The following RHBDF2 variants were observed in gnomAD, a reference collection of about 807,000 sequenced individuals.
The protein encoded by RHBDF2 is inactive rhomboid protein 2.
RHBDF2 carries 38 observed loss-of-function variants against 95.2 expected under a neutral mutation model. That is an observed-to-expected ratio of 0.40 (90% CI 0.31 to 0.52). The LOEUF is 0.52. Among genes scored for constraint, RHBDF2 ranks in the 20% least tolerant of loss-of-function variants. The pLI, the probability that RHBDF2 is intolerant of heterozygous loss-of-function variation, is 0.56. For missense variants in RHBDF2, 863 were observed against 1,137.7 expected, an observed-to-expected ratio of 0.76 and a Z score of 3.47; for synonymous variants, 442 against 462.0, an observed-to-expected ratio of 0.96 and a Z score of 0.55.
chr17:76,475,291 CG>C, intron 9 of RHBDF2, 150 bp from the exon 10 acceptor site: 2 of 604,332 alleles, frequency 3.3e-6, no homozygotes, highest in Middle Eastern at 3.4e-4. Context: ...ACTTTTAAGA[CG>C]AGCCTCCAAG....
Position 76,471,706 on chromosome 17 carries a change from ATCCAGGGCCAG to A in RHBDF2, c.2400_2410del (p.Trp801ArgfsTer17). 6.2e-7 allele frequency: 1 copy of A among 1,610,946 alleles called. No homozygotes were observed. Among genetic ancestry groups the A allele is most frequent in the Non-Finnish European group, 8.5e-7 (1 of 1,178,794 alleles). ...GAAGGGGAAGCAGGTGAGGTGCTCG[ATCCAGGGCCAG>A]TTAATGGGGTAGATGTACAGCCACA... is the stretch of plus-strand genomic sequence containing the variant. On this transcript the variant is annotated frameshift_variant, in exon 19 of 19. Transcript: ENST00000675367. LOFTEE classifies it high-confidence loss of function.
chr17:76,477,121 C>G (rs2073797619), intron 8 of RHBDF2, 59 bp downstream of exon 8: 3 of 1,610,386 alleles, frequency 1.9e-6, no homozygotes, highest in Non-Finnish European at 2.5e-6. Context: ...AGGGTGAGGT[C>G]TGGGGATGCC....
chr17:76,475,256 C>T (rs372038219), intron 9 of RHBDF2, 115 bp from the exon 10 acceptor site: 27 of 680,862 alleles, frequency 4.0e-5, no homozygotes, highest in East Asian at 1.1e-4. Flanking sequence ...TGTTCTGCCC[C>T]GTCAACTCAT....
rs370105807 is a variant in RHBDF2 at position 76,473,366 on chromosome 17, C to T, written c.1734-39G>A. ...GAGGCAAGAGGGGACATCAGGGCGC[C>T]GAATAACCACTGCCCACCTTTGCCC... is the stretch of plus-strand genomic sequence containing the variant. On this transcript the variant is annotated intron_variant, in intron 15 of 18. Coordinates refer to ENST00000675367, the MANE Select transcript of RHBDF2 (RefSeq NM_001005498.4). 2.3e-5 allele frequency: 35 copies of T among 1,550,650 alleles called. No individual in the cohort carries two copies. The African/African-American group carries it at 2.3e-4, about 10-fold the overall frequency.
chr17:76,491,795 G>A (rs2074309015), intron 1 of RHBDF2, among the ~76,000 whole-genome samples: 1 of 152,240 alleles, frequency 6.6e-6, no homozygotes, highest in African/African-American at 2.4e-5. Flanking sequence ...GGGGAAAGGA[G>A]TGGGGACTGT....
chr17:76,496,524 T>G (rs2074429796), intron 1 of RHBDF2, among the ~76,000 whole-genome samples: 1 of 152,214 alleles, frequency 6.6e-6, no homozygotes, highest in African/African-American at 2.4e-5. Context: ...GAGTCCTGCA[T>G]GCAAAGGCCT....
At chr17:76,500,018 G>C (rs185772343) in intron 1 of RHBDF2, among the ~76,000 whole-genome samples, 12 of 152,218 alleles carry the variant, frequency 7.9e-5, no homozygotes, top group Non-Finnish European at 1.6e-4. Flanking sequence ...AGGGGAATAA[G>C]TGCCCTCACA....
intron 2 of RHBDF2, among the ~76,000 whole-genome samples, chr17:76,487,226 C>T (rs1340784821): frequency 1.3e-5 from 2 of 150,326 alleles, no homozygotes; most frequent in East Asian, 1.9e-4. Context: ...GCTTGGATTA[C>T]AGGCGTGAGC....
intron 3 of RHBDF2, among the ~76,000 whole-genome samples, chr17:76,480,598 C>T (rs2073935908): frequency 6.6e-6 from 1 of 152,030 alleles, no homozygotes; most frequent in Non-Finnish European, 1.5e-5. Context: ...GTTGTCTAGT[C>T]TGGTCTCGAA....
chr17:76,478,628 C>T (rs550651776), intron 6 of RHBDF2, among the ~76,000 whole-genome samples, 178 bp downstream of exon 6: 4 of 152,188 alleles, frequency 2.6e-5, no homozygotes, highest in African/African-American at 4.8e-5. Context: ...GGATGGACGC[C>T]TGGGTGCTGG....
At position 76,501,149 on chromosome 17, in the gene RHBDF2, C is replaced by T. The variant is rs943806787; in HGVS notation, c.-220+204G>A. 2.6e-5 allele frequency: 4 copies of T among 152,346 alleles called. No individual in the cohort carries two copies. In the East Asian group the frequency reaches 5.8e-4, roughly 22 times the overall value. The allele number at this position is 152,346 out of a possible 1,614,324, so 9.4% of individuals were successfully genotyped here. A position where few individuals can be genotyped will look rare whatever the true frequency, so the allele number is the denominator to read the frequency against. On this transcript the variant is annotated intron_variant, in intron 1 of 18. Transcript: ENST00000675367. ...GCCAGCAGACCGGGTCCAGCGGCCC[C>T]GCCGGCGCCGTCTGAGCCAGCCCGG...
Position 76,494,293 on chromosome 17 carries a change from G to C in RHBDF2, c.-219-6384C>G, listed in dbSNP as rs188070686. On this transcript the variant is annotated intron_variant, in intron 1 of 18. Transcript: ENST00000675367. ...TGGTCCAGGAAGCAGGCTGAGCTGG[G>C]GGTGCTGGAGTCCTGCATCCCCGAA... 4.0e-3 allele frequency among the ~76,000 whole-genome samples: 608 copies of C among 152,308 alleles called. 10 individuals are homozygous for C. Among genetic ancestry groups the C allele is most frequent in the Non-Finnish European group, 1.3e-3 (90 of 68,030 alleles).
At chr17:76,499,153 A>G (rs2144497337) in intron 1 of RHBDF2, among the ~76,000 whole-genome samples, 1 of 152,278 alleles carries the variant, frequency 6.6e-6, no homozygotes, top group Non-Finnish European at 1.5e-5. Context: ...AACAAAAACA[A>G]AAACAAAACA....
intron 1 of RHBDF2, among the ~76,000 whole-genome samples, chr17:76,492,101 C>G (rs1412744927): frequency 6.6e-6 from 1 of 152,226 alleles, no homozygotes; most frequent in Non-Finnish European, 1.5e-5. Context: ...CAGAGAAGGG[C>G]CTTCAGCCCC....
chr17:76,489,317 G>A (rs1030758835), intron 1 of RHBDF2, among the ~76,000 whole-genome samples: 1 of 142,910 alleles, frequency 7.0e-6, no homozygotes, highest in Non-Finnish European at 1.5e-5. Context: ...AAACCCAGGG[G>A]CATTCCTGTT....
chr17:76,475,190 C>T (rs903765935), intron 9 of RHBDF2, 49 bp from the exon 10 acceptor site: 1 of 1,414,850 alleles, frequency 7.1e-7, no homozygotes. Context: ...TATCCCAACC[C>T]CCAGTCCCGG....
intron 2 of RHBDF2, among the ~76,000 whole-genome samples, chr17:76,484,522 A>G (rs1220307823): frequency 2.0e-5 from 3 of 151,220 alleles, no homozygotes; most frequent in African/African-American, 7.3e-5. Flanking sequence ...CACCTCCACC[A>G]TCTCCTCACC....
chr17:76,498,789 AGTGTGTGTGT>A (rs60130089), intron 1 of RHBDF2, among the ~76,000 whole-genome samples: 72 of 143,772 alleles, frequency 5.0e-4, no homozygotes, highest in South Asian at 1.8e-3. Context: ...AGAGAAAGAG[AGTGTGTGTGT>A]GTGTGTGTGT....
chr17:76,481,061 A>G (rs557049751), intron 3 of RHBDF2, among the ~76,000 whole-genome samples: 1 of 152,284 alleles, frequency 6.6e-6, no homozygotes, highest in African/African-American at 2.4e-5. Context: ...CCCTCAGAAG[A>G]GAGACTGAGA....
Sources: gnomAD v4.1 joint callset for allele counts (sites outside exome capture counted in the v4.1 genomes callset) on GRCh38, gnomAD v4.1.1 for gene constraint, MANE v1.5 for transcripts, NCBI Gene and HGNC (gene_info 2026-07-23, HGNC 2026-07-21) for gene names.